Variants in CUEDC1 observed in about 807,000 individuals in gnomAD.
CUEDC1 encodes CUE domain containing 1.
Under a neutral mutation model 43.7 loss-of-function variants are expected in CUEDC1, and 30 were observed. The ratio of observed to expected loss-of-function variants is 0.69; its 90% CI spans 0.51 to 0.93. The LOEUF (loss-of-function observed/expected upper bound fraction) is 0.93, where lower values mean the gene tolerates loss of function less well. Ranked by LOEUF, CUEDC1 falls within the 40% of genes least tolerant of loss-of-function variation. The pLI, the probability that CUEDC1 is intolerant of heterozygous loss-of-function variation, is 0.00. For synonymous variants in CUEDC1, 223 were observed against 223.6 expected, an observed-to-expected ratio of 1.00 and a Z score of 0.02; for missense variants, 486 against 549.0, an observed-to-expected ratio of 0.89 and a Z score of 1.15.
At chr17:57,916,245 T>C (rs1268100426) in intron 1 of CUEDC1, among the ~76,000 whole-genome samples, 1 of 152,208 alleles carries the variant, frequency 6.6e-6, no homozygotes, top group South Asian at 2.1e-4. Flanking sequence ...TGTTTCTAAA[T>C]CACAGCACAC....
intron 1 of CUEDC1, among the ~76,000 whole-genome samples, chr17:57,951,466 T>C (rs1367379413): frequency 6.7e-6 from 1 of 149,370 alleles, no homozygotes; most frequent in Admixed American, 6.7e-5. Context: ...AGTTGGAACT[T>C]TTTTTTTTTT....
At chr17:57,868,016 G>C (rs1347117932) in intron 8 of CUEDC1, 134 bp downstream of exon 8, 3 of 713,364 alleles carry the variant, frequency 4.2e-6, no homozygotes, top group Non-Finnish European at 7.5e-6. Context: ...GGAGGAGAGG[G>C]GAGGAGGAAG....
chr17:57,892,482 G>A (rs1417657780), intron 1 of CUEDC1: 1 of 152,402 alleles, frequency 6.6e-6, no homozygotes, highest in Admixed American at 6.5e-5. Flanking sequence ...TCTGGAAGGA[G>A]GGTAAGACTC....
Position 57,927,232 on chromosome 17 carries a change from G to A in CUEDC1, c.-316+27993C>T, listed in dbSNP as rs1055130424. Among the ~76,000 whole-genome samples the A allele has an allele frequency of 7.2e-5, 11 of 152,144 alleles. No individual in the cohort carries two copies. The South Asian group carries it at 8.3e-4, about 11-fold the overall frequency. ...CTTAAAAGGGCATCCAGGGGCAGGC[G>A]GGCCTGGGCAGCAGGAGGTGAAGCC... is the stretch of plus-strand genomic sequence containing the variant. On this transcript the variant is annotated intron_variant, in intron 1 of 10. Coordinates refer to ENST00000577830, the MANE Select transcript of CUEDC1 (RefSeq NM_001271875.2).
chr17:57,936,196 A>C (rs2074860216), intron 1 of CUEDC1, among the ~76,000 whole-genome samples: 1 of 152,148 alleles, frequency 6.6e-6, no homozygotes, highest in South Asian at 2.1e-4. Context: ...CCAAGGACAA[A>C]AGCGGCTGAG....
At chr17:57,936,001 C>G (rs2074858305) in intron 1 of CUEDC1, among the ~76,000 whole-genome samples, 1 of 152,198 alleles carries the variant, frequency 6.6e-6, no homozygotes. Context: ...GGCCAGTGAC[C>G]CACCCGCTGC....
rs773574091 is a variant in CUEDC1, at chr17:57,868,213, C to T, written c.971G>A (p.Arg324Gln). 1.9e-6 allele frequency: 3 copies of T among 1,614,066 alleles called. No homozygotes were observed. The highest frequency in any genetic ancestry group is 1.3e-5 in the African/African-American group (1 of 74,904). ...STRRKLFELA[R>Q]AFSEKTKMRK... Reference sequence around the variant, plus strand: ...CATTTTGGTCTTCTCTGAGAAGGCTCGGGCAAGTTCAAACAGTTTCCTCCG... The same window carrying T: ...CATTTTGGTCTTCTCTGAGAAGGCTTGGGCAAGTTCAAACAGTTTCCTCCG... Residue 324 changes from arginine (R) to glutamine (Q), a missense_variant, in exon 8 of 11, where the codon CGA becomes CAA. Coordinates refer to ENST00000577830, the MANE Select transcript of CUEDC1 (RefSeq NM_001271875.2).
At chr17:57,934,776 C>T (rs1455326070) in intron 1 of CUEDC1, among the ~76,000 whole-genome samples, 6 of 152,068 alleles carry the variant, frequency 3.9e-5, no homozygotes, top group Admixed American at 6.5e-5. Flanking sequence ...GGCGTGATTT[C>T]GGCTCACTGC....
intron 1 of CUEDC1, among the ~76,000 whole-genome samples, chr17:57,893,359 G>GTA (rs67263612): frequency 2.6e-5 from 4 of 151,868 alleles, no homozygotes; most frequent in Non-Finnish European, 5.9e-5. Flanking sequence ...ATGTGTGTGT[G>GTA]TGTGTGTGTG....
intron 10 of CUEDC1, among the ~76,000 whole-genome samples, chr17:57,864,461 G>A (rs2073927256): frequency 6.6e-6 from 1 of 152,184 alleles, no homozygotes; most frequent in South Asian, 2.1e-4. Context: ...ACAGGAGCCA[G>A]GAGAGAGGAA....
At chr17:57,908,403 C>T (rs1429603688) in intron 1 of CUEDC1, among the ~76,000 whole-genome samples, 2 of 152,112 alleles carry the variant, frequency 1.3e-5, no homozygotes, top group Non-Finnish European at 2.9e-5. Flanking sequence ...CTTGGGCACA[C>T]CCAAGTAGGG....
At chr17:57,894,045 A>C (rs1013919489) in intron 1 of CUEDC1, among the ~76,000 whole-genome samples, 1 of 152,194 alleles carries the variant, frequency 6.6e-6, no homozygotes, top group Non-Finnish European at 1.5e-5. Flanking sequence ...GTGAGCCAAG[A>C]TCGTACCACT....
chr17:57,908,994 CA>C (rs532199539), intron 1 of CUEDC1, among the ~76,000 whole-genome samples: 16 of 144,444 alleles, frequency 1.1e-4, no homozygotes, highest in East Asian at 2.0e-4. Context: ...GAGACTGTCT[CA>C]AAAAAAAAAG....
chr17:57,941,166 C>T (rs576746678), intron 1 of CUEDC1, among the ~76,000 whole-genome samples: 2 of 152,320 alleles, frequency 1.3e-5, no homozygotes, highest in South Asian at 4.1e-4. Flanking sequence ...CAAAAGACAC[C>T]ACTCATCTTC....
chr17:57,889,655 T>C (rs1431354823), intron 1 of CUEDC1, among the ~76,000 whole-genome samples: 1 of 152,186 alleles, frequency 6.6e-6, no homozygotes, highest in Non-Finnish European at 1.5e-5. Flanking sequence ...GACTTTTCTA[T>C]CAAAGGGTGG....
chr17:57,947,932 G>A (rs1280921622), intron 1 of CUEDC1, among the ~76,000 whole-genome samples: 1 of 152,112 alleles, frequency 6.6e-6, no homozygotes, highest in African/African-American at 2.4e-5. Context: ...TATAAATGTT[G>A]AGAAGGATCC....
intron 9 of CUEDC1, chr17:57,866,833 T>C: frequency 2.2e-6 from 1 of 447,010 alleles, no homozygotes; most frequent in Non-Finnish European, 4.1e-6. Flanking sequence ...CTGGACTATC[T>C]AGATGACCTC....
intron 1 of CUEDC1, among the ~76,000 whole-genome samples, chr17:57,889,613 C>G (rs533449847): frequency 3.0e-4 from 46 of 152,144 alleles, no homozygotes; most frequent in Non-Finnish European, 5.3e-4. Context: ...GGGAGTTGCC[C>G]AAGGACACAC....
chr17:57,954,548 G>A lies in CUEDC1; in HGVS notation c.-316+677C>T, dbSNP rs892911464. Reference sequence around the variant, plus strand: ...AACGCTGACACCAGCCCCCCTTGGAGCTCAGAGCCTGGGGCACAGGAGCCG... The same window carrying A: ...AACGCTGACACCAGCCCCCCTTGGAACTCAGAGCCTGGGGCACAGGAGCCG... On this transcript the variant is annotated intron_variant, in intron 1 of 10. Coordinates refer to ENST00000577830, the MANE Select transcript of CUEDC1 (RefSeq NM_001271875.2). The surrounding 1 kb of genome is among the most constrained non-coding windows in gnomAD (Gnocchi z 4.3). Among the ~76,000 whole-genome samples, 1 of 152,178 alleles carries A rather than the reference G, an allele frequency of 6.6e-6. No individual in the cohort carries two copies. Among genetic ancestry groups the A allele is most frequent in the Admixed American group, 6.5e-5 (1 of 15,284 alleles).
Sources: allele counts gnomAD v4.1 joint callset (sites outside exome capture counted in the v4.1 genomes callset), GRCh38; gene constraint gnomAD v4.1.1; non-coding constraint Gnocchi (gnomAD v3.1); transcripts MANE v1.5; gene names NCBI Gene and HGNC (gene_info 2026-07-23, HGNC 2026-07-21).